VPS45: variants seen among roughly 807,000 people sequenced by gnomAD.
VPS45 encodes vacuolar protein sorting 45 homolog, also known as vacuolar protein sorting-associated protein 45.
VPS45 carries 35 observed loss-of-function variants against 75.9 expected under a neutral mutation model. The observed-to-expected ratio is 0.46, with a 90% CI of 0.35 to 0.61. The LOEUF (loss-of-function observed/expected upper bound fraction) is 0.61. VPS45 is among the 20% of genes least tolerant of loss of function. VPS45 has a pLI of 0.00. For synonymous variants in VPS45, 220 were observed against 238.2 expected (o/e 0.92, Z 0.70); for missense variants, 559 against 685.9 (o/e 0.81, Z 2.07).
chr1:150,067,995 C>T (rs1431179471), intron 1 of VPS45, 45 bp downstream of exon 1: 2 of 1,544,012 alleles, frequency 1.3e-6, no homozygotes, highest in African/African-American at 2.7e-5. Flanking sequence ...CCCTCTCAAC[C>T]TTACAATTGC....
intron 13 of VPS45, chr1:150,099,150 T>C: frequency 1.2e-6 from 1 of 836,702 alleles, no homozygotes; most frequent in Non-Finnish European, 1.5e-6. Context: ...AAATGTTGCC[T>C]TTTGAAAGTT....
chr1:150,133,288 G>A (rs1553812799), intron 14 of VPS45, among the ~76,000 whole-genome samples: 2 of 152,124 alleles, frequency 1.3e-5, no homozygotes, highest in African/African-American at 2.4e-5. Flanking sequence ...GGTGGCTCAC[G>A]CCTGTAATAT....
chr1:150,126,012 G>A (rs1432846221), intron 14 of VPS45, among the ~76,000 whole-genome samples: 3 of 151,802 alleles, frequency 2.0e-5, no homozygotes, highest in Non-Finnish European at 4.4e-5. Flanking sequence ...TATAAATAAT[G>A]CTTCAATAAA....
At chr1:150,127,321 A>ATTT (rs782667721) in intron 14 of VPS45, among the ~76,000 whole-genome samples, 8 of 148,312 alleles carry the variant, frequency 5.4e-5, no homozygotes, top group Non-Finnish European at 9.0e-5. Flanking sequence ...AGTGAAGCAG[A>ATTT]TTTTTTTTTT....
At chr1:150,106,934 A>C (rs912914344) in intron 13 of VPS45, among the ~76,000 whole-genome samples, 2 of 152,116 alleles carry the variant, frequency 1.3e-5, no homozygotes, top group African/African-American at 4.8e-5. Context: ...GGGGACTCTC[A>C]ATTCCCACCT....
intron 13 of VPS45, among the ~76,000 whole-genome samples, chr1:150,106,101 T>C (rs1214409116): frequency 6.6e-6 from 1 of 152,078 alleles, no homozygotes; most frequent in African/African-American, 2.4e-5. Flanking sequence ...TATACAAAAA[T>C]TAACTCAAGA....
intron 14 of VPS45, among the ~76,000 whole-genome samples, chr1:150,124,925 C>A (rs1310843939): frequency 6.6e-6 from 1 of 151,656 alleles, no homozygotes; most frequent in Non-Finnish European, 1.5e-5. Flanking sequence ...AACATAAGAT[C>A]TATAGAGTTT....
intron 14 of VPS45, among the ~76,000 whole-genome samples, chr1:150,143,411 G>A (rs1659501209): frequency 6.6e-6 from 1 of 152,002 alleles, no homozygotes; most frequent in African/African-American, 2.4e-5. Context: ...CCAACATGGT[G>A]AAACCCGTCT....
intron 14 of VPS45, among the ~76,000 whole-genome samples, chr1:150,141,170 G>A (rs587718018): frequency 6.6e-6 from 1 of 152,260 alleles, no homozygotes; most frequent in East Asian, 1.9e-4. Context: ...GCTGTAATTA[G>A]GAGCTTATTA....
At chr1:150,080,611 A>T (rs1164323834) in intron 7 of VPS45, among the ~76,000 whole-genome samples, 2 of 152,222 alleles carry the variant, frequency 1.3e-5, no homozygotes, top group Admixed American at 1.3e-4. Context: ...TAGCATTTAG[A>T]TTCTAGATGC....
At chr1:150,103,623 G>A (rs2101593734) in intron 13 of VPS45, among the ~76,000 whole-genome samples, 1 of 152,276 alleles carries the variant, frequency 6.6e-6, no homozygotes, top group Non-Finnish European at 1.5e-5. Flanking sequence ...ACCCTGAAAT[G>A]ATCAGACTGA....
chr1:150,067,736 G>GGACTCCCGGAAGCC (rs1553796127), upstream of VPS45: 6 of 910,688 alleles, frequency 6.6e-6, no homozygotes, highest in Non-Finnish European at 8.8e-6. Context: ...GTGGCTGCCC[G>GGACTCCCGGAAGCC]GACTCCCGGA....
intron 14 of VPS45, among the ~76,000 whole-genome samples, chr1:150,126,548 T>C (rs1346992490): frequency 8.5e-5 from 13 of 152,118 alleles, no homozygotes; most frequent in African/African-American, 3.1e-4. Context: ...GCTCAAGTGA[T>C]GGAAATGTTC....
In VPS45 at chr1:150,072,166, G is replaced by A. The variant is rs2101495514; in HGVS notation, c.229G>A (p.Glu77Lys). The change falls in exon 3 of 15, where the codon GAG becomes AAG. Residue 77 changes from glutamate (E) to lysine (K), a missense_variant and splice_region_variant. Coordinates refer to ENST00000644510, the MANE Select transcript of VPS45 (RefSeq NM_007259.5). Reference protein sequence around the residue: ...KAICFLRPTKENVDYIIQELR... With the variant: ...KAICFLRPTKKNVDYIIQELR... ...TGTTTGCTTGTTCTTCATTTTCTAG[G>A]AGAATGTGGATTATATTATTCAGGA... 1.9e-6 allele frequency: 3 copies of A among 1,604,358 alleles called. No individual in the cohort carries two copies. Among genetic ancestry groups the A allele is most frequent in the Non-Finnish European group, 2.6e-6 (3 of 1,174,986 alleles).
At chr1:150,069,141 C>T (rs782314998) in intron 2 of VPS45, among the ~76,000 whole-genome samples, 9 of 152,182 alleles carry the variant, frequency 5.9e-5, no homozygotes, top group Non-Finnish European at 1.0e-4. Flanking sequence ...CACATTTATG[C>T]TCAGGAACCT....
At chr1:150,089,113 A>G (rs1261434321) in intron 10 of VPS45, among the ~76,000 whole-genome samples, 1 of 152,220 alleles carries the variant, frequency 6.6e-6, no homozygotes, top group Non-Finnish European at 1.5e-5. Flanking sequence ...TCAAGATCCA[A>G]GTGAAGGTAA....
In VPS45 at chr1:150,133,379, A is replaced by G. The variant is rs372598984; in HGVS notation, c.1626-11330A>G. ...AGCCTGGCCAACATGGTGAAACCCC[A>G]TCTCTACTAAAAAAAAATACAAAAA... On this transcript the variant is annotated intron_variant, in intron 14 of 14. Transcript: ENST00000644510. Among the ~76,000 whole-genome samples, 836 of 151,806 alleles carry G rather than the reference A, an allele frequency of 5.5e-3. 7 individuals are homozygous for G. The highest frequency in any genetic ancestry group is 0.027 in the Middle Eastern group (8 of 294).
At position 150,121,918 on chromosome 1, in the gene VPS45, TG is replaced by T. The variant is rs1184260786; in HGVS notation, c.1625+11298del. On this transcript the variant is annotated intron_variant, in intron 14 of 14. Transcript: ENST00000644510. ...GTAAATCAGTATGTAATAGATGCAGTGGGGGGGCAGGGAATATGAAACTGTG... is the reference window on the plus strand; with the variant it reads ...GTAAATCAGTATGTAATAGATGCAGTGGGGGGCAGGGAATATGAAACTGTG... Among the ~76,000 whole-genome samples the T allele has an allele frequency of 2.0e-5, 3 of 151,628 alleles. No individual in the cohort carries two copies. In the South Asian group the frequency reaches 6.3e-4, roughly 32 times the overall value.
chr1:150,088,645 A>G (rs1656158131), intron 10 of VPS45, among the ~76,000 whole-genome samples: 1 of 151,646 alleles, frequency 6.6e-6, no homozygotes, highest in Admixed American at 6.6e-5. Flanking sequence ...ATGCCCAGCT[A>G]ATTTTTGTAT....
Sources: allele counts gnomAD v4.1 joint callset (sites outside exome capture counted in the v4.1 genomes callset), GRCh38; gene constraint gnomAD v4.1.1; transcripts MANE v1.5; gene names NCBI Gene and HGNC (gene_info 2026-07-23, HGNC 2026-07-21).